Variants in SUSD1 observed in about 807,000 individuals in gnomAD.
SUSD1 encodes sushi domain-containing protein 1.
In SUSD1, 65 loss-of-function variants were observed where a neutral mutation model predicts 86.9. That is an observed-to-expected ratio of 0.75 (90% CI 0.61 to 0.92). The LOEUF (loss-of-function observed/expected upper bound fraction) is 0.92. Among genes scored for constraint, SUSD1 ranks in the 40% least tolerant of loss-of-function variants. The pLI, the probability that SUSD1 is intolerant of heterozygous loss-of-function variation, is 0.00. For missense variants in SUSD1, 850 were observed against 929.7 expected (o/e 0.91, Z 1.11); for synonymous variants, 346 against 350.0 (o/e 0.99, Z 0.13).
chr9:112,113,526 T>C lies in SUSD1; in HGVS notation c.887-658A>G, dbSNP rs961393510. ...ATGAATTCAGCAATGTGGGAAACCA[T>C]ATGAAGGCCTTGGTTCCCTGAGGTA... On this transcript the variant is annotated intron_variant, in intron 6 of 16. Coordinates refer to ENST00000374270, the MANE Select transcript of SUSD1 (RefSeq NM_022486.5). The surrounding 1 kb of genome is among the most constrained non-coding windows in gnomAD (Gnocchi z 4.1). Among the ~76,000 whole-genome samples, 2 of 152,222 alleles carry C rather than the reference T, an allele frequency of 1.3e-5. No individual in the cohort carries two copies. The highest frequency in any genetic ancestry group is 4.8e-5 in the African/African-American group (2 of 41,458).
intron 1 of SUSD1, among the ~76,000 whole-genome samples, chr9:112,158,292 C>T (rs1373289675): frequency 2.6e-5 from 4 of 152,144 alleles, no homozygotes; most frequent in Non-Finnish European, 4.4e-5. Context: ...TCTCTATATA[C>T]CTAAAATGCC....
rs1213901948 is a variant in SUSD1 at position 112,111,737 on chromosome 9, T to G, written c.1088A>C (p.Tyr363Ser). 1 of 1,613,980 alleles carries G rather than the reference T, an allele frequency of 6.2e-7. No individual in the cohort carries two copies. The highest frequency in any genetic ancestry group is 8.5e-7 in the Non-Finnish European group (1 of 1,180,020). Residue 363 changes from tyrosine (Y) to serine (S), a missense_variant, in exon 8 of 17, where the codon TAC (tyrosine) becomes TCC (serine). Coordinates refer to ENST00000374270, the MANE Select transcript of SUSD1 (RefSeq NM_022486.5). ...SRTPEVCLALYPGTNYTVNIS... is the reference protein window; with the variant it reads ...SRTPEVCLALSPGTNYTVNIS... The stretch of plus-strand genomic sequence containing the variant: ...GTTCACGGTGTAGTTGGTGCCTGGG[T>G]ACAGGGCTAGGCACACTTCTGGGGT...
At chr9:112,117,199 C>T (rs904042184) in intron 6 of SUSD1, among the ~76,000 whole-genome samples, 1 of 152,174 alleles carries the variant, frequency 6.6e-6, no homozygotes, top group Non-Finnish European at 1.5e-5. Context: ...ACCAGTCTCC[C>T]ACAGCCTCCT....
intron 5 of SUSD1, among the ~76,000 whole-genome samples, chr9:112,129,178 T>C (rs534729297): frequency 2.0e-5 from 3 of 152,134 alleles, no homozygotes; most frequent in Admixed American, 6.6e-5. Context: ...TTGTGATGTA[T>C]TCTGGAAGCA....
chr9:112,155,300 C>T (rs1189398325), intron 2 of SUSD1, among the ~76,000 whole-genome samples: 1 of 151,154 alleles, frequency 6.6e-6, no homozygotes, highest in Admixed American at 6.6e-5. Flanking sequence ...AGGAGGAATT[C>T]CTTTGGGAAG....
chr9:112,056,723 T>C (rs1020489876), intron 14 of SUSD1, among the ~76,000 whole-genome samples: 1 of 151,476 alleles, frequency 6.6e-6, no homozygotes, highest in African/African-American at 2.4e-5. Context: ...TGTGTGTGTG[T>C]GTGTGTGTGT....
intron 1 of SUSD1, among the ~76,000 whole-genome samples, chr9:112,164,633 T>G (rs1247957392): frequency 1.3e-5 from 2 of 150,770 alleles, no homozygotes; most frequent in African/African-American, 4.9e-5. Context: ...ACATACATAC[T>G]AAAAAAGAAA....
At chr9:112,106,985 C>A (rs1830870078) in intron 8 of SUSD1, among the ~76,000 whole-genome samples, 1 of 151,770 alleles carries the variant, frequency 6.6e-6, no homozygotes, top group South Asian at 2.1e-4. Flanking sequence ...AAAAAACAGT[C>A]CAGGAGCAGT....
chr9:112,060,566 G>C (rs538289667), intron 13 of SUSD1, among the ~76,000 whole-genome samples: 2 of 152,344 alleles, frequency 1.3e-5, no homozygotes, highest in African/African-American at 2.4e-5. Flanking sequence ...CAATGGGCTG[G>C]GATTACAGGC....
chr9:112,122,657 G>T (rs928103318), intron 6 of SUSD1, among the ~76,000 whole-genome samples: 7 of 152,082 alleles, frequency 4.6e-5, no homozygotes, highest in African/African-American at 1.7e-4. Flanking sequence ...TGAAAACAGG[G>T]TCTCAAAGAG....
In SUSD1 at chr9:112,078,809, C is replaced by CACT. The variant is rs1196821450; in HGVS notation, c.1567-86_1567-85insAGT. On this transcript the variant is annotated intron_variant, in intron 11 of 16. Transcript: ENST00000374270. ...AAACCTCCCCTTTTCCTTTTTCTTT[C>CACT]TCTTTTTTTTTTTTTTTTTTTGAGA... The CACT allele has an allele frequency of 6.5e-5, 54 of 830,042 alleles. No individual in the cohort carries two copies. In the African/African-American group the frequency reaches 8.9e-4, roughly 14 times the overall value. 51.4% of individuals were successfully genotyped at this position (830,042 alleles called of 1,614,324 possible).
intron 1 of SUSD1, among the ~76,000 whole-genome samples, chr9:112,160,400 C>T (rs1220930731): frequency 6.6e-6 from 1 of 151,980 alleles, no homozygotes; most frequent in Non-Finnish European, 1.5e-5. Flanking sequence ...AAAAATTAGC[C>T]GGGCGCAGTG....
chr9:112,151,035 A>C (rs190521592), intron 2 of SUSD1, among the ~76,000 whole-genome samples: 1 of 152,222 alleles, frequency 6.6e-6, no homozygotes, highest in Admixed American at 6.5e-5. Context: ...CCTGGGCTCA[A>C]GCAATCCTCT....
At chr9:112,054,219 C>G (rs1384473161) in intron 14 of SUSD1, among the ~76,000 whole-genome samples, 1 of 152,118 alleles carries the variant, frequency 6.6e-6, no homozygotes, top group Non-Finnish European at 1.5e-5. Context: ...CATAGAGAAC[C>G]TAGAAATAAA....
chr9:112,145,217 G>A (rs1435980010), intron 3 of SUSD1, among the ~76,000 whole-genome samples: 1 of 150,836 alleles, frequency 6.6e-6, no homozygotes, highest in Non-Finnish European at 1.5e-5. Context: ...GAAGCAGCAT[G>A]ATTGAAGAAA....
intron 1 of SUSD1, among the ~76,000 whole-genome samples, chr9:112,160,316 G>A (rs1833511655): frequency 6.6e-6 from 1 of 151,978 alleles, no homozygotes; most frequent in South Asian, 2.1e-4. Context: ...GGCCAAGGCG[G>A]GTGGATCACT....
intron 4 of SUSD1, 62 bp from the exon 5 acceptor site, chr9:112,142,561 C>G: frequency 6.7e-7 from 1 of 1,502,816 alleles, no homozygotes; most frequent in Non-Finnish European, 9.1e-7. Context: ...AATTCACAAT[C>G]TCTCTCCACC....
Position 112,140,574 on chromosome 9 carries a change from A to C in SUSD1, c.706+1746T>G, listed in dbSNP as rs553084196. 3.3e-5 allele frequency among the ~76,000 whole-genome samples: 5 copies of C among 152,064 alleles called. No homozygotes were observed. In the South Asian group the frequency reaches 1.0e-3, roughly 32 times the overall value. ...AAAAGGAAAAGGAAAAAGAAACAGA[A>C]AGCCAAAATTTTTAAAAAACTAACC... On this transcript the variant is annotated intron_variant, in intron 5 of 16. Coordinates refer to ENST00000374270, the MANE Select transcript of SUSD1 (RefSeq NM_022486.5).
chr9:112,137,266 A>G (rs1038945587), intron 5 of SUSD1, among the ~76,000 whole-genome samples: 2 of 151,276 alleles, frequency 1.3e-5, no homozygotes, highest in Admixed American at 6.6e-5. Flanking sequence ...GACACAGGGG[A>G]GGAGGAGGAG....
Sources: gnomAD v4.1 joint callset for allele counts (sites outside exome capture counted in the v4.1 genomes callset) on GRCh38, gnomAD v4.1.1 for gene constraint, Gnocchi (gnomAD v3.1) non-coding constraint, MANE v1.5 for transcripts, NCBI Gene and HGNC (gene_info 2026-07-23, HGNC 2026-07-21) for gene names.